The following FANCC variants were observed in gnomAD, a reference collection of about 807,000 sequenced individuals.
The protein encoded by FANCC is Fanconi anemia group C protein.
A neutral mutation model predicts 71.3 loss-of-function variants in FANCC; 55 were observed. The observed-to-expected ratio is 0.77, with a 90% CI of 0.62 to 0.97. The LOEUF (loss-of-function observed/expected upper bound fraction) is 0.97. Among genes scored for constraint, FANCC ranks in the 50% least tolerant of loss-of-function variants. The pLI, the probability that FANCC is intolerant of heterozygous loss-of-function variation, is 0.00. For missense variants in FANCC, 678 were observed against 670.9 expected, an observed-to-expected ratio of 1.01 and a Z score of -0.12; for synonymous variants, 275 against 244.9, an observed-to-expected ratio of 1.12 and a Z score of -1.15.
intron 1 of FANCC, among the ~76,000 whole-genome samples, chr9:95,276,644 A>G (rs71498696): frequency 6.6e-6 from 1 of 152,244 alleles, no homozygotes; most frequent in Non-Finnish European, 1.5e-5. Context: ...GAACGACAAC[A>G]ACAAAAATCA....
intron 7 of FANCC, among the ~76,000 whole-genome samples, chr9:95,142,692 T>C (rs963871809): frequency 6.6e-6 from 1 of 152,208 alleles, no homozygotes; most frequent in African/African-American, 2.4e-5. Context: ...GGGATCTCTT[T>C]TAACTCTCAG....
intron 10 of FANCC, among the ~76,000 whole-genome samples, chr9:95,119,834 C>T (rs895303642): frequency 2.6e-5 from 4 of 152,178 alleles, no homozygotes; most frequent in Non-Finnish European, 5.9e-5. Flanking sequence ...ACCTCAGCCT[C>T]CCGAGTAGCT....
At chr9:95,118,397 G>A (rs2072602117) in intron 10 of FANCC, among the ~76,000 whole-genome samples, 1 of 152,238 alleles carries the variant, frequency 6.6e-6, no homozygotes, top group South Asian at 2.1e-4. Context: ...AGCTATCTAT[G>A]CCCCCAAGGG....
intron 8 of FANCC, among the ~76,000 whole-genome samples, chr9:95,134,118 T>A (rs1752347730): frequency 6.6e-6 from 1 of 152,152 alleles, no homozygotes; most frequent in South Asian, 2.1e-4. Flanking sequence ...GCAGCGTGGC[T>A]GTCAGCACCT....
intron 1 of FANCC, chr9:95,293,186 C>A: frequency 3.1e-6 from 5 of 1,612,282 alleles, no homozygotes; most frequent in Non-Finnish European, 4.2e-6. Context: ...CAGACTCTTT[C>A]TTACAACATC....
At chr9:95,221,014 G>A (rs1261189586) in intron 4 of FANCC, among the ~76,000 whole-genome samples, 5 of 151,856 alleles carry the variant, frequency 3.3e-5, no homozygotes, top group Non-Finnish European at 5.9e-5. Flanking sequence ...GGCAGATCAC[G>A]AGGTCAAGAG....
At chr9:95,200,498 G>C (rs1296217900) in intron 4 of FANCC, among the ~76,000 whole-genome samples, 1 of 152,186 alleles carries the variant, frequency 6.6e-6, no homozygotes. Context: ...GGTCTAAGCA[G>C]CTGTTTACGG....
Position 95,171,076 on chromosome 9 carries a change from T to C in FANCC, c.521+3A>G, listed in dbSNP as rs1311933413. 3.7e-6 allele frequency: 6 copies of C among 1,608,936 alleles called. No individual in the cohort carries two copies. The highest frequency in any genetic ancestry group is 1.7e-5 in the Admixed American group (1 of 59,996). On this transcript the variant is annotated splice_donor_region_variant and intron_variant, in intron 6 of 14. Coordinates refer to ENST00000289081, the MANE Select transcript of FANCC (RefSeq NM_000136.3). ...GAAGAAGGATGTTTAGTTTAACACC[T>C]ACCGCCTTTGAGTGTTAAATCCATT... is the stretch of plus-strand genomic sequence containing the variant.
Position 95,135,273 on chromosome 9 carries a change from TTC to T in FANCC, c.843+71_843+72del, listed in dbSNP as rs113570337. The T allele has an allele frequency of 4.6e-4, 668 of 1,442,684 alleles. 4 individuals carry two copies. In the African/African-American group the frequency reaches 8.1e-3, roughly 18 times the overall value. The allele number at this position is 1,442,684 out of a possible 1,614,324, so 89.4% of individuals were successfully genotyped here. ...CTTTTGTTTACATCCCCCCCTTTCA[TTC>T]TCTGACTAAAAGAAATGATTCCAAG... On this transcript the variant is annotated intron_variant, in intron 8 of 14. Transcript: ENST00000289081.
intron 3 of FANCC, among the ~76,000 whole-genome samples, chr9:95,246,586 A>C (rs1190522614): frequency 6.6e-6 from 1 of 152,222 alleles, no homozygotes; most frequent in Non-Finnish European, 1.5e-5. Context: ...TAGGACAACA[A>C]AGAGAACTAA....
chr9:95,252,609 G>C (rs1387940990), intron 1 of FANCC, among the ~76,000 whole-genome samples: 2 of 151,760 alleles, frequency 1.3e-5, no homozygotes, highest in African/African-American at 4.8e-5. Context: ...AGCCAGGCGT[G>C]GTGGTGGGCG....
At chr9:95,157,359 A>C (rs1245066115) in intron 6 of FANCC, among the ~76,000 whole-genome samples, 4 of 152,182 alleles carry the variant, frequency 2.6e-5, no homozygotes, top group Non-Finnish European at 4.4e-5. Context: ...TAGGGCTTTA[A>C]ATAGAGTTTC....
At chr9:95,254,649 C>T (rs746642517) in intron 1 of FANCC, among the ~76,000 whole-genome samples, 2 of 152,134 alleles carry the variant, frequency 1.3e-5, no homozygotes, top group South Asian at 2.1e-4. Flanking sequence ...CAAAACTGGG[C>T]GGCCATTTGG....
At chr9:95,133,415 A>T (rs1232024837) in intron 8 of FANCC, among the ~76,000 whole-genome samples, 1 of 152,246 alleles carries the variant, frequency 6.6e-6, no homozygotes, top group Non-Finnish European at 1.5e-5. Flanking sequence ...TGCACACATG[A>T]TCCCGATAAA....
chr9:95,199,782 G>C (rs923140609), intron 4 of FANCC, among the ~76,000 whole-genome samples: 2 of 152,164 alleles, frequency 1.3e-5, no homozygotes, highest in African/African-American at 4.8e-5. Flanking sequence ...TTGGTACAAT[G>C]GCTCTGCTGT....
intron 6 of FANCC, among the ~76,000 whole-genome samples, chr9:95,152,156 T>C (rs995633526): frequency 1.3e-5 from 2 of 152,236 alleles, no homozygotes; most frequent in Admixed American, 6.5e-5. Context: ...AATTTGTTTA[T>C]ATATTTGTGT....
At chr9:95,247,237 T>TG (rs570570303) in intron 3 of FANCC, among the ~76,000 whole-genome samples, 195 bp downstream of exon 3, 1 of 132,688 alleles carries the variant, frequency 7.5e-6, no homozygotes, top group East Asian at 2.5e-4. Flanking sequence ...GTGTGTGTGT[T>TG]TATCTATACA....
At chr9:95,285,109 C>A (rs984642262) in intron 1 of FANCC, among the ~76,000 whole-genome samples, 6 of 151,278 alleles carry the variant, frequency 4.0e-5, no homozygotes, top group African/African-American at 1.5e-4. Flanking sequence ...TGCAAAAAAA[C>A]CATAGACATG....
rs927323692 is a variant in FANCC, at chr9:95,110,861, G to A, written c.1329+602C>T. On this transcript the variant is annotated intron_variant, in intron 13 of 14. Coordinates refer to ENST00000289081, the MANE Select transcript of FANCC (RefSeq NM_000136.3). Reference sequence around the variant, plus strand: ...TTATATTCCACATAAAATAACAACTGTCTTTGCCACAGACAGTTATCCAGT... The same window carrying A: ...TTATATTCCACATAAAATAACAACTATCTTTGCCACAGACAGTTATCCAGT... 3.4e-6 allele frequency: 4 copies of A among 1,190,504 alleles called. No homozygotes were observed. In the African/African-American group the frequency reaches 6.1e-5, roughly 18 times the overall value. 73.7% of individuals were successfully genotyped at this position (1,190,504 alleles called of 1,614,324 possible).
Sources: gnomAD v4.1 joint callset for allele counts (sites outside exome capture counted in the v4.1 genomes callset) on GRCh38, gnomAD v4.1.1 for gene constraint, MANE v1.5 for transcripts, NCBI Gene and HGNC (gene_info 2026-07-23, HGNC 2026-07-21) for gene names.